SNX29: variants seen among roughly 807,000 people sequenced by gnomAD.
The protein encoded by SNX29 is sorting nexin-29.
A neutral mutation model predicts 102.1 loss-of-function variants in SNX29; 78 were observed. That is an observed-to-expected ratio of 0.76 (90% CI 0.64 to 0.92). The LOEUF (loss-of-function observed/expected upper bound fraction) is 0.92. SNX29 is among the 40% of genes least tolerant of loss of function. The probability of loss-of-function intolerance (pLI) is 0.00; values close to 1 mark genes in which losing one functional copy is unlikely to be tolerated. For missense variants in SNX29, 1,280 were observed against 1,061.7 expected, an observed-to-expected ratio of 1.21 and a Z score of -2.86; for synonymous variants, 580 against 414.5, an observed-to-expected ratio of 1.40 and a Z score of -4.85.
At chr16:12,338,004 C>A (rs557957502) in intron 15 of SNX29, among the ~76,000 whole-genome samples, 1 of 152,324 alleles carries the variant, frequency 6.6e-6, no homozygotes, top group Admixed American at 6.5e-5. Flanking sequence ...GTTCTCTTCA[C>A]AGCGACTGCC....
intron 4 of SNX29, among the ~76,000 whole-genome samples, chr16:12,037,454 G>T (rs2057507830): frequency 6.6e-6 from 1 of 151,912 alleles, no homozygotes; most frequent in Non-Finnish European, 1.5e-5. Flanking sequence ...ATTGAAGGCG[G>T]TACCAAAAAA....
chr16:12,541,165 G>A (rs2077318169), intron 20 of SNX29, among the ~76,000 whole-genome samples: 1 of 152,148 alleles, frequency 6.6e-6, no homozygotes, highest in African/African-American at 2.4e-5. Flanking sequence ...CCCAGACCTG[G>A]AACCTCTTCC....
At chr16:12,464,577 C>T (rs553648353) in intron 18 of SNX29, among the ~76,000 whole-genome samples, 2 of 152,220 alleles carry the variant, frequency 1.3e-5, no homozygotes, top group East Asian at 3.9e-4. Flanking sequence ...CCCTAGCCTC[C>T]TGAGTAGCTG....
At chr16:12,322,016 G>C (rs1313185130) in intron 15 of SNX29, among the ~76,000 whole-genome samples, 2 of 152,182 alleles carry the variant, frequency 1.3e-5, no homozygotes, top group Admixed American at 6.5e-5. Flanking sequence ...GGGGATTCCA[G>C]AGGAGGTTCA....
chr16:11,979,018 G>A (rs547891333), intron 1 of SNX29, among the ~76,000 whole-genome samples: 10 of 152,002 alleles, frequency 6.6e-5, no homozygotes, highest in African/African-American at 2.4e-4. Context: ...GCTCACACCT[G>A]TAATCTCAGC....
At chr16:12,243,537 G>A (rs139465871) in intron 14 of SNX29, among the ~76,000 whole-genome samples, 26 of 152,328 alleles carry the variant, frequency 1.7e-4, no homozygotes, top group Middle Eastern at 3.4e-3. Context: ...TTCTTGATCT[G>A]TTAGGACAGC....
rs148643207 is a variant in SNX29, at chr16:12,572,597, G to A, written c.*3968G>A. On this transcript the variant is annotated 3_prime_UTR_variant, in exon 21 of 21. Transcript: ENST00000566228. ...GCCATGTTCTCTGGGCTCCCAGTGA[G>A]CCCCCTCCCCTCCGGCTACCCCCAG... The A allele has an allele frequency of 1.9e-6, 2 of 1,064,112 alleles. No individual in the cohort carries two copies. The highest frequency in any genetic ancestry group is 3.3e-5 in the African/African-American group (2 of 61,104). 65.9% of individuals were successfully genotyped at this position (1,064,112 alleles called of 1,614,324 possible).
At chr16:12,443,343 C>G (rs1223296788) in intron 18 of SNX29, 12 of 165,984 alleles carry the variant, frequency 7.2e-5, no homozygotes, top group Non-Finnish European at 1.4e-4. Context: ...CGCAGATACT[C>G]TGATAAATCA....
chr16:12,376,736 C>CAAAAAAAAAAAAAAAA (rs71408262), intron 16 of SNX29, among the ~76,000 whole-genome samples: 1 of 77,936 alleles, frequency 1.3e-5, no homozygotes, highest in Non-Finnish European at 2.3e-5. Flanking sequence ...GACTCTGTCT[C>CAAAAAAAAAAAAAAAA]AAAAAAAAAA....
intron 15 of SNX29, among the ~76,000 whole-genome samples, chr16:12,296,018 A>G (rs1178686203): frequency 6.6e-6 from 1 of 152,278 alleles, no homozygotes; most frequent in African/African-American, 2.4e-5. Context: ...TAATATGTAG[A>G]AATCATTTTC....
At chr16:12,304,134 CA>C (rs1487180950) in intron 15 of SNX29, among the ~76,000 whole-genome samples, 1 of 151,802 alleles carries the variant, frequency 6.6e-6, no homozygotes, top group Non-Finnish European at 1.5e-5. Flanking sequence ...GTCCCTTGAC[CA>C]AGTGGTCAGA....
At chr16:12,058,495 G>GTTTTTTTTTTTTTTTTTTTT (rs1249420541) in intron 8 of SNX29, among the ~76,000 whole-genome samples, 2 of 106,508 alleles carry the variant, frequency 1.9e-5, no homozygotes, top group Admixed American at 1.1e-4. Context: ...TTGGTTTTTG[G>GTTTTTTTTTTTTTTTTTTTT]TTTTTTTTTT....
chr16:12,280,806 T>C (rs1027496385), intron 15 of SNX29, among the ~76,000 whole-genome samples: 1 of 152,200 alleles, frequency 6.6e-6, no homozygotes, highest in African/African-American at 2.4e-5. Context: ...TTTACCAAAA[T>C]AGTTGTAAAG....
chr16:12,192,272 G>A (rs2076661533), intron 13 of SNX29, among the ~76,000 whole-genome samples: 1 of 152,190 alleles, frequency 6.6e-6, no homozygotes. Flanking sequence ...CAGCAGGCTT[G>A]TTTGGGGCTG....
chr16:12,064,166 G>A (rs989244955), intron 9 of SNX29, among the ~76,000 whole-genome samples: 3 of 149,376 alleles, frequency 2.0e-5, no homozygotes, highest in African/African-American at 5.1e-5. Flanking sequence ...TGTTTTGGCA[G>A]CTCCTTTGCC....
At chr16:12,269,886 G>C (rs1050890472) in intron 14 of SNX29, among the ~76,000 whole-genome samples, 2 of 150,662 alleles carry the variant, frequency 1.3e-5, no homozygotes, top group African/African-American at 4.9e-5. Flanking sequence ...TTTGAGATGG[G>C]GTCTCACTCT....
chr16:12,258,299 G>T (rs2078633699), intron 14 of SNX29, among the ~76,000 whole-genome samples: 1 of 152,156 alleles, frequency 6.6e-6, no homozygotes, highest in South Asian at 2.1e-4. Context: ...CAGTCACAGT[G>T]GCCTTTCTGT....
intron 20 of SNX29, among the ~76,000 whole-genome samples, chr16:12,545,059 C>G (rs987738137): frequency 6.6e-6 from 1 of 152,166 alleles, no homozygotes; most frequent in Non-Finnish European, 1.5e-5. Context: ...GCTCCTGTAG[C>G]ATAGCCACGA....
At chr16:12,389,980 T>C (rs367989563) in intron 16 of SNX29, among the ~76,000 whole-genome samples, 129 of 152,332 alleles carry the variant, frequency 8.5e-4, no homozygotes, top group African/African-American at 2.7e-3. Context: ...GTTTCACCAA[T>C]TGGTTGAAAA....
Sources: allele counts gnomAD v4.1 joint callset (sites outside exome capture counted in the v4.1 genomes callset), GRCh38; gene constraint gnomAD v4.1.1; transcripts MANE v1.5; gene names NCBI Gene and HGNC (gene_info 2026-07-23, HGNC 2026-07-21).